Variants in ZNF469 observed in about 807,000 individuals in gnomAD.
ZNF469 encodes zinc finger protein 469.
Under a neutral mutation model 1.0 loss-of-function variants are expected in ZNF469, and 1 was observed. The ratio of observed to expected loss-of-function variants is 1.00; its 90% CI spans 0.35 to 4.73. The LOEUF is 4.73. Among genes scored for constraint, ZNF469 ranks in the 30% most tolerant of loss-of-function variants. ZNF469 has a pLI of 0.16. For synonymous variants in ZNF469, 2,703 were observed against 2,363.4 expected, an observed-to-expected ratio of 1.14 and a Z score of -4.17; for missense variants, 6,100 against 5,356.3, an observed-to-expected ratio of 1.14 and a Z score of -4.33.
chr16:88,304,267 G>A, the ZNF469 span, among the ~76,000 whole-genome samples: 6 of 152,150 alleles, frequency 3.9e-5, no homozygotes, highest in African/African-American at 7.2e-5. Context: ...CAGCCCGGCC[G>A]CCCCCACACC....
the ZNF469 span, among the ~76,000 whole-genome samples, chr16:88,158,573 T>C: frequency 1.3e-5 from 2 of 152,124 alleles, no homozygotes; most frequent in African/African-American, 2.4e-5. Flanking sequence ...CGGCAGCCTC[T>C]TGGTCAGGAC....
chr16:88,317,898 T>C, the ZNF469 span, among the ~76,000 whole-genome samples: 2 of 152,220 alleles, frequency 1.3e-5, no homozygotes, highest in South Asian at 4.1e-4. Flanking sequence ...GTGTCATCTT[T>C]CTCCCTGGGA....
chr16:88,367,640 G>A, the ZNF469 span, among the ~76,000 whole-genome samples: 3 of 152,208 alleles, frequency 2.0e-5, no homozygotes, highest in Admixed American at 6.5e-5. Context: ...TTGTGTGAGT[G>A]TTCTGTGTGC....
At chr16:88,157,324 C>G in the ZNF469 span, among the ~76,000 whole-genome samples, 2 of 152,202 alleles carry the variant, frequency 1.3e-5, no homozygotes, top group African/African-American at 4.8e-5. Context: ...GTGGGGCCCA[C>G]TTTCTTCCAC....
At chr16:88,123,215 G>A in the ZNF469 span, among the ~76,000 whole-genome samples, 1 of 152,088 alleles carries the variant, frequency 6.6e-6, no homozygotes, top group Non-Finnish European at 1.5e-5. Flanking sequence ...TCCCTTGCTT[G>A]GATGAGACGG....
At chr16:88,117,193 TGTGAGGGCCGGGGACAC>T in the ZNF469 span, among the ~76,000 whole-genome samples, 1 of 99,408 alleles carries the variant, frequency 1.0e-5, no homozygotes, top group African/African-American at 3.2e-5. Context: ...GCCGGGGATG[TGTGAGGGCCGGGGACAC>T]GTGAGAGCTG....
At chr16:88,137,085 G>A in the ZNF469 span, among the ~76,000 whole-genome samples, 1 of 152,094 alleles carries the variant, frequency 6.6e-6, no homozygotes, top group Non-Finnish European at 1.5e-5. Context: ...CCATGTGTGT[G>A]CAACCATGCA....
the ZNF469 span, among the ~76,000 whole-genome samples, chr16:88,363,383 A>G: frequency 6.6e-6 from 1 of 152,240 alleles, no homozygotes; most frequent in African/African-American, 2.4e-5. Context: ...CCAGACAGCA[A>G]GCATTTAAGT....
chr16:88,246,374 G>C, the ZNF469 span, among the ~76,000 whole-genome samples: 1 of 152,086 alleles, frequency 6.6e-6, no homozygotes, highest in African/African-American at 2.4e-5. Context: ...GCGTCATAGT[G>C]GGGGAGCAAA....
the ZNF469 span, among the ~76,000 whole-genome samples, chr16:88,361,440 C>T: frequency 2.0e-5 from 3 of 152,280 alleles, no homozygotes; most frequent in Admixed American, 2.0e-4. Flanking sequence ...AAAATGAAAA[C>T]ACCAAATCAG....
chr16:88,224,590 C>A, the ZNF469 span, among the ~76,000 whole-genome samples: 146 of 152,326 alleles, frequency 9.6e-4, 1 homozygote, highest in Non-Finnish European at 1.7e-3. Flanking sequence ...GACTGAGGCG[C>A]AGAGAGGCTG....
chr16:88,122,663 C>G, the ZNF469 span, among the ~76,000 whole-genome samples: 1 of 152,026 alleles, frequency 6.6e-6, no homozygotes, highest in African/African-American at 2.4e-5. Context: ...AAAAGGCAAA[C>G]ACAGTCAGTT....
In ZNF469 at chr16:88,432,764, T is replaced by C; in HGVS notation, c.5294T>C (p.Leu1765Pro). Residue 1765 changes from leucine (L) to proline (P), a missense_variant, in exon 3 of 3, where the codon CTG becomes CCG. Coordinates refer to ENST00000565624, the MANE Select transcript of ZNF469 (RefSeq NM_001367624.2). Reference protein sequence around the residue: ...AASSQESEDSLRLLPCEQRGG... With the variant: ...AASSQESEDSPRLLPCEQRGG... ...AGCTCACAAGAAAGTGAAGACTCCCTGCGGCTGCTTCCCTGTGAACAGAGA... is the reference window on the plus strand; with the variant it reads ...AGCTCACAAGAAAGTGAAGACTCCCCGCGGCTGCTTCCCTGTGAACAGAGA... 1 of 1,550,406 alleles carries C rather than the reference T, an allele frequency of 6.4e-7. No individual in the cohort carries two copies. Among genetic ancestry groups the C allele is most frequent in the Non-Finnish European group, 8.7e-7 (1 of 1,146,994 alleles).
the ZNF469 span, among the ~76,000 whole-genome samples, chr16:88,226,981 G>T: frequency 6.6e-6 from 1 of 151,410 alleles, no homozygotes; most frequent in East Asian, 2.0e-4. Flanking sequence ...CTCCGCGCCG[G>T]GGCCTGCGCG....
At chr16:88,112,518 A>T in the ZNF469 span, among the ~76,000 whole-genome samples, 202 of 152,242 alleles carry the variant, frequency 1.3e-3, no homozygotes, top group African/African-American at 4.6e-3. Flanking sequence ...TTTGAGTTGC[A>T]TTTCTCTGAC....
the ZNF469 span, among the ~76,000 whole-genome samples, chr16:88,103,762 G>T: frequency 6.7e-6 from 1 of 149,790 alleles, no homozygotes; most frequent in Non-Finnish European, 1.5e-5. Context: ...GTGGCACGGG[G>T]GTGGGTGGAA....
rs997654610 is a variant in ZNF469, at chr16:88,429,176, A to G, written c.1706A>G (p.Gln569Arg). The G allele has an allele frequency of 1.3e-6, 2 of 1,549,714 alleles. No individual in the cohort carries two copies. Among genetic ancestry groups the G allele is most frequent in the African/African-American group, 1.4e-5 (1 of 72,972 alleles). Residue 569 changes from glutamine to arginine, a missense_variant, in exon 3 of 3, where the codon CAG becomes CGG. Coordinates refer to ENST00000565624, the MANE Select transcript of ZNF469 (RefSeq NM_001367624.2). ...CTGTTCTTCGGGGTGGCCCAGCCCC[A>G]GGTTTCACCCCACGGGACACCCAGC... ...QPLFFGVAQP[Q>R]VSPHGTPSLP...
the ZNF469 span, among the ~76,000 whole-genome samples, chr16:88,204,076 G>C: frequency 0.91 from 129,382 of 141,580 alleles, 58,752 homozygotes; most frequent in Non-Finnish European, 0.97. Context: ...GGAGGTGCCC[G>C]GTAACCCCAT....
rs1166676562 is a variant in ZNF469 at position 88,436,404 on chromosome 16, C to G, written c.8934C>G (p.Cys2978Trp). Residue 2978 changes from cysteine to tryptophan, a missense_variant, in exon 3 of 3, where the codon TGC becomes TGG. By Grantham distance (215) the Cys-to-Trp change is radical. Transcript: ENST00000565624. ...EAGAEKLPSH[C>W]PEDDRPEAIP... ...GTGCAGAGAAGCTGCCCTCCCACTG[C>G]CCCGAGGACGATCGGCCGGAGGCCA... is the stretch of plus-strand genomic sequence containing the variant. 11 of 1,549,692 alleles carry G rather than the reference C, an allele frequency of 7.1e-6. No individual in the cohort carries two copies. Among genetic ancestry groups the G allele is most frequent in the Non-Finnish European group, 8.7e-6 (10 of 1,146,954 alleles).
Sources: allele counts gnomAD v4.1 joint callset (sites outside exome capture counted in the v4.1 genomes callset), GRCh38; gene constraint gnomAD v4.1.1; transcripts MANE v1.5; gene names NCBI Gene and HGNC (gene_info 2026-07-23, HGNC 2026-07-21).